MCOLN2: variants seen among roughly 807,000 people sequenced by gnomAD.
MCOLN2 encodes mucolipin TRP cation channel 2, also known as mucolipin-2.
Under a neutral mutation model 67.5 loss-of-function variants are expected in MCOLN2, and 57 were observed. The observed-to-expected ratio is 0.84, with a 90% CI of 0.68 to 1.05. The LOEUF (loss-of-function observed/expected upper bound fraction) is 1.05. MCOLN2 is among the 50% of genes least tolerant of loss of function. The pLI is 0.00. For synonymous variants in MCOLN2, 246 were observed against 233.3 expected, an observed-to-expected ratio of 1.05 and a Z score of -0.50; for missense variants, 620 against 678.8, an observed-to-expected ratio of 0.91 and a Z score of 0.96.
chr1:84,961,620 C>T (rs1246570146), intron 2 of MCOLN2, among the ~76,000 whole-genome samples: 1 of 152,122 alleles, frequency 6.6e-6, no homozygotes, highest in Non-Finnish European at 1.5e-5. Flanking sequence ...CAGAACCAAA[C>T]ACTCCCTGCA....
At position 84,926,713 on chromosome 1, in the gene MCOLN2, C is replaced by G. The variant is rs1171048209; in HGVS notation, c.1673G>C (p.Ser558Thr). 1.3e-6 allele frequency: 2 copies of G among 1,594,236 alleles called. No homozygotes were observed. The highest frequency in any genetic ancestry group is 1.7e-6 in the Non-Finnish European group (2 of 1,168,108). ...GCTAATAGGTATCAAGTGATCATCA[C>G]TTCTTTTCCTGTAACAGAAAGGGAA... is the stretch of plus-strand genomic sequence containing the variant. ...SCICCRRRKR[S>T]DDHLIPIS is the part of the protein sequence containing the mutation. Residue 558 changes from serine to threonine, a missense_variant, in exon 14 of 14, where the codon AGT (serine) becomes ACT (threonine). Ser to Thr is a moderately conservative substitution (Grantham distance 58). Coordinates refer to ENST00000370608, the MANE Select transcript of MCOLN2 (RefSeq NM_153259.4).
chr1:84,959,301 T>A (rs1648955228), intron 2 of MCOLN2, among the ~76,000 whole-genome samples: 1 of 152,154 alleles, frequency 6.6e-6, no homozygotes. Flanking sequence ...CATGAAAGAA[T>A]AACAGAGCAT....
Position 84,937,769 on chromosome 1 carries a change from G to T in MCOLN2, c.1321C>A (p.Pro441Thr). The change falls in exon 11 of 14, where the codon CCA becomes ACA. Residue 441 changes from proline to threonine, a missense_variant. Transcript: ENST00000370608. ...GAGCTACACACCTTGTCATGGTATG[G>T]TCCTAAGACAATCCAGCCACAGAAT... ...YTFCGWIVLGPYHDKFENLNT... is the reference protein window; with the variant it reads ...YTFCGWIVLGTYHDKFENLNT... 6.2e-7 allele frequency: 1 copy of T among 1,614,154 alleles called. No homozygotes were observed.
At chr1:84,935,174 C>A (rs1223230315) in intron 11 of MCOLN2, among the ~76,000 whole-genome samples, 1 of 152,068 alleles carries the variant, frequency 6.6e-6, no homozygotes, top group Non-Finnish European at 1.5e-5. Context: ...ATGCAAGGGG[C>A]AATAAAATAT....
intron 1 of MCOLN2, among the ~76,000 whole-genome samples, chr1:84,991,366 T>G (rs1461834228): frequency 6.6e-6 from 1 of 152,182 alleles, no homozygotes. Context: ...CACGTCATTT[T>G]TTCACTCCAA....
chr1:84,960,085 C>A (rs991834876), intron 2 of MCOLN2, among the ~76,000 whole-genome samples: 5 of 152,170 alleles, frequency 3.3e-5, no homozygotes, highest in African/African-American at 9.7e-5. Context: ...AAACAACATA[C>A]AGGCATACGG....
chr1:84,989,085 C>T lies in MCOLN2; in HGVS notation c.77+7711G>A, dbSNP rs1276390278. On this transcript the variant is annotated intron_variant, in intron 1 of 13. Coordinates refer to ENST00000370608, the MANE Select transcript of MCOLN2 (RefSeq NM_153259.4). ...AATTGCAATCACAATCTTTATTGGT[C>T]TCCCCTACAATGGACTTCATGAAGG... 2.0e-5 allele frequency among the ~76,000 whole-genome samples: 3 copies of T among 152,142 alleles called. 1 individual carries two copies. Among genetic ancestry groups the T allele is most frequent in the Non-Finnish European group, 2.9e-5 (2 of 68,032 alleles).
rs953448688 is a variant in MCOLN2 at position 84,926,501 on chromosome 1, T to A, written c.*184A>T. ...GTAGCCCATGGTCTATTCTTTATCATTCAAGTTTATAAAAAGTAAAGCTGG... is the reference window on the plus strand; with the variant it reads ...GTAGCCCATGGTCTATTCTTTATCAATCAAGTTTATAAAAAGTAAAGCTGG... On this transcript the variant is annotated 3_prime_UTR_variant, in exon 14 of 14. Coordinates refer to ENST00000370608, the MANE Select transcript of MCOLN2 (RefSeq NM_153259.4). The A allele has an allele frequency of 7.8e-5, 35 of 448,834 alleles. No individual in the cohort carries two copies. The Middle Eastern group carries it at 1.6e-3, about 20-fold the overall frequency. 27.8% of individuals were successfully genotyped at this position (448,834 alleles called of 1,614,324 possible). A position where few individuals can be genotyped will look rare whatever the true frequency, so the allele number is the denominator to read the frequency against.
chr1:84,958,449 T>C (rs927979930), intron 3 of MCOLN2, 80 bp downstream of exon 3: 10 of 1,159,714 alleles, frequency 8.6e-6, no homozygotes, highest in Non-Finnish European at 1.1e-5. Context: ...AACATGTGTA[T>C]AATTTTTGTT....
chr1:84,956,884 C>T (rs908074103), intron 3 of MCOLN2, among the ~76,000 whole-genome samples: 3 of 152,164 alleles, frequency 2.0e-5, no homozygotes, highest in Admixed American at 6.5e-5. Flanking sequence ...ACCTGCAAAG[C>T]TGCACTGCCC....
intron 1 of MCOLN2, among the ~76,000 whole-genome samples, chr1:84,983,969 C>T (rs1375652839): frequency 6.6e-6 from 1 of 152,158 alleles, no homozygotes; most frequent in Non-Finnish European, 1.5e-5. Context: ...CCACTGCGCC[C>T]AGCCCTACTT....
chr1:84,947,459 C>T (rs570156284), intron 6 of MCOLN2, among the ~76,000 whole-genome samples: 8 of 152,284 alleles, frequency 5.3e-5, no homozygotes, highest in Admixed American at 5.2e-4. Context: ...GGAAGGGGAG[C>T]AAGGCACCCT....
rs1647537961 is a variant in MCOLN2 at position 84,938,069 on chromosome 1, T to C, written c.1124A>G (p.Tyr375Cys). Residue 375 changes from tyrosine to cysteine, a missense_variant, in exon 10 of 14, where the codon TAT becomes TGT. Tyr to Cys is a radical substitution (Grantham distance 194). Coordinates refer to ENST00000370608, the MANE Select transcript of MCOLN2 (RefSeq NM_153259.4). The stretch of plus-strand genomic sequence containing the variant: ...TCCAAGAAAAATGCTGCAGAGATCA[T>C]AGTTTGTGAGATTCTAAGGAATGAA... ...MEIKAKNLTN[Y>C]DLCSIFLGTS... 7 of 1,611,220 alleles carry C rather than the reference T, an allele frequency of 4.3e-6. No homozygotes were observed. In the East Asian group the frequency reaches 6.7e-5, roughly 15 times the overall value.
intron 1 of MCOLN2, among the ~76,000 whole-genome samples, chr1:84,966,040 G>A (rs1213303007): frequency 6.6e-6 from 1 of 152,098 alleles, no homozygotes; most frequent in East Asian, 1.9e-4. Flanking sequence ...ATCATTTGAG[G>A]TCATGAGTTC....
chr1:84,979,172 A>G (rs973817396), intron 1 of MCOLN2, among the ~76,000 whole-genome samples: 2 of 152,228 alleles, frequency 1.3e-5, no homozygotes, highest in African/African-American at 4.8e-5. Flanking sequence ...CAGGATCAAT[A>G]CTTTGTATCC....
chr1:84,946,475 G>A (rs1648116313), intron 7 of MCOLN2, among the ~76,000 whole-genome samples: 1 of 152,114 alleles, frequency 6.6e-6, no homozygotes, highest in African/African-American at 2.4e-5. Context: ...GCCCTATCCA[G>A]AATGATTTGG....
chr1:84,974,445 C>T (rs550147361), intron 1 of MCOLN2, among the ~76,000 whole-genome samples: 1 of 151,836 alleles, frequency 6.6e-6, no homozygotes, highest in South Asian at 2.1e-4. Context: ...ATCTTGGATA[C>T]CGGCTCAGCC....
intron 13 of MCOLN2, 22 bp from the exon 14 acceptor site, chr1:84,926,743 GA>G: frequency 6.3e-7 from 1 of 1,576,474 alleles, no homozygotes; most frequent in Non-Finnish European, 8.7e-7. Flanking sequence ...AGGGAAAGAA[GA>G]AAAGAGGAAA....
intron 7 of MCOLN2, among the ~76,000 whole-genome samples, chr1:84,944,526 TG>T (rs1297064085): frequency 6.6e-6 from 1 of 151,428 alleles, no homozygotes; most frequent in African/African-American, 2.4e-5. Flanking sequence ...AGCGAGACTC[TG>T]TCTCAAAAAG....
Sources: gnomAD v4.1 joint callset for allele counts (sites outside exome capture counted in the v4.1 genomes callset) on GRCh38, gnomAD v4.1.1 for gene constraint, MANE v1.5 for transcripts, NCBI Gene and HGNC (gene_info 2026-07-23, HGNC 2026-07-21) for gene names.